ZNF420: variants seen among roughly 807,000 people sequenced by gnomAD.
ZNF420 encodes ATM and p53-associated KZNF protein.
Under a neutral mutation model 44.7 loss-of-function variants are expected in ZNF420, and 31 were observed. That is an observed-to-expected ratio of 0.69 (90% CI 0.52 to 0.94). The LOEUF (loss-of-function observed/expected upper bound fraction) is 0.94. ZNF420 is among the 40% of genes least tolerant of loss of function. The pLI is 0.00. For missense variants in ZNF420, 681 were observed against 827.9 expected (o/e 0.82, Z 2.18); for synonymous variants, 245 against 267.4 (o/e 0.92, Z 0.82).
At chr19:37,054,379 T>G (rs1020866701) in intron 1 of ZNF420, among the ~76,000 whole-genome samples, 1 of 152,216 alleles carries the variant, frequency 6.6e-6, no homozygotes, top group African/African-American at 2.4e-5. Context: ...ACCCACTTTC[T>G]GACATTCCCC....
At chr19:37,046,263 A>G (rs1469472511) in intron 1 of ZNF420, among the ~76,000 whole-genome samples, 1 of 152,246 alleles carries the variant, frequency 6.6e-6, no homozygotes, top group Non-Finnish European at 1.5e-5. Flanking sequence ...GGAAAACAAT[A>G]GGATTATCTT....
intron 1 of ZNF420, among the ~76,000 whole-genome samples, chr19:37,012,536 C>T (rs1334639691): frequency 1.3e-5 from 2 of 152,194 alleles, no homozygotes; most frequent in Non-Finnish European, 1.5e-5. Flanking sequence ...GATGATGAAG[C>T]CACAGGCGGA....
chr19:37,066,181 G>T (rs1335755270), intron 1 of ZNF420, among the ~76,000 whole-genome samples: 1 of 152,198 alleles, frequency 6.6e-6, no homozygotes, highest in African/African-American at 2.4e-5. Context: ...GGCGGCTCAC[G>T]CCTGTAATCC....
intron 2 of ZNF420, among the ~76,000 whole-genome samples, chr19:37,085,362 A>G (rs2146507609): frequency 6.6e-6 from 1 of 152,326 alleles, no homozygotes; most frequent in East Asian, 1.9e-4. Context: ...CATCTGGTTT[A>G]TTTTGATGAC....
At chr19:37,106,719 G>C (rs368721311) in intron 4 of ZNF420, 20 of 152,178 alleles carry the variant, frequency 1.3e-4, no homozygotes, top group African/African-American at 4.1e-4. Flanking sequence ...AGAAAAGAAA[G>C]AGACAGAGAC....
intron 4 of ZNF420, among the ~76,000 whole-genome samples, chr19:37,097,650 T>G (rs539448138): frequency 4.0e-4 from 61 of 152,300 alleles, no homozygotes; most frequent in Admixed American, 5.9e-4. Context: ...TATTAAAAAT[T>G]TTTTTGCATT....
rs562437752 is a variant in ZNF420, at chr19:37,092,380, G to A, written c.136+1259G>A. ...TTCAAAAGAGGGAATGGTTGGCCGG[G>A]CGCGGTCTTGTATGTGCTTGGTAGT... On this transcript the variant is annotated intron_variant, in intron 4 of 4. Coordinates refer to ENST00000337995, the MANE Select transcript of ZNF420 (RefSeq NM_144689.5). The A allele has an allele frequency of 2.1e-3, 312 of 152,002 alleles. 3 individuals carry two copies. The highest frequency in any genetic ancestry group is 7.1e-3 in the African/African-American group (296 of 41,462). 9.4% of individuals were successfully genotyped at this position (152,002 alleles called of 1,614,324 possible).
chr19:37,054,778 T>C (rs896156969), intron 1 of ZNF420, among the ~76,000 whole-genome samples: 4 of 152,176 alleles, frequency 2.6e-5, no homozygotes, highest in African/African-American at 9.7e-5. Flanking sequence ...TGATAAACAT[T>C]TTCTTGGAGA....
chr19:37,087,892 G>T (rs1424425143), intron 2 of ZNF420, among the ~76,000 whole-genome samples: 1 of 152,130 alleles, frequency 6.6e-6, no homozygotes, highest in Non-Finnish European at 1.5e-5. Flanking sequence ...TGATCCGCCC[G>T]CTTCGGCCTC....
intron 1 of ZNF420, among the ~76,000 whole-genome samples, chr19:37,043,875 T>C (rs1332116666): frequency 1.3e-5 from 2 of 152,052 alleles, no homozygotes; most frequent in Non-Finnish European, 2.9e-5. Flanking sequence ...TTATGGAAAA[T>C]GAACAAGGAA....
chr19:37,092,175 C>G (rs1034977408), intron 4 of ZNF420: 1 of 152,070 alleles, frequency 6.6e-6, no homozygotes, highest in Admixed American at 6.6e-5. Flanking sequence ...TTCCTTTCTC[C>G]TCTGAAGCCT....
chr19:37,054,215 G>T (rs117591523), intron 1 of ZNF420, among the ~76,000 whole-genome samples: 1 of 152,242 alleles, frequency 6.6e-6, no homozygotes, highest in Non-Finnish European at 1.5e-5. Context: ...GAAAAGCTCA[G>T]TATTAGGGTG....
At chr19:37,122,698 T>A (rs1971121105) in intron 4 of ZNF420, among the ~76,000 whole-genome samples, 1 of 152,284 alleles carries the variant, frequency 6.6e-6, no homozygotes, top group East Asian at 1.9e-4. Context: ...GGCTATTCCT[T>A]CTTAGTCTCC....
rs2074662563 is a variant in ZNF420 at position 37,023,249 on chromosome 19, T to C, written c.-125+15167T>C. On this transcript the variant is annotated intron_variant, in intron 1 of 4. Transcript: ENST00000587029. ...AACAGTAATTGGTGCTGGAAGACTT[T>C]TACATACAAAGTATAAAGAGCAATG... is the stretch of plus-strand genomic sequence containing the variant. 3.3e-5 allele frequency among the ~76,000 whole-genome samples: 5 copies of C among 152,240 alleles called. No individual in the cohort carries two copies. The South Asian group carries it at 1.0e-3, about 32-fold the overall frequency.
In ZNF420 at chr19:37,128,395, T is replaced by A; in HGVS notation, c.1404T>A (p.Ile468=). Residue 468 remains isoleucine, a synonymous_variant, in exon 5 of 5, where the codon ATT becomes ATA. Coordinates refer to ENST00000337995, the MANE Select transcript of ZNF420 (RefSeq NM_144689.5). Reference sequence around the variant, plus strand: ...CAGAACTTACTCAACATGAGCGAATTCACACAGGTGAGAAACCCTATGAAT... The same window carrying A: ...CAGAACTTACTCAACATGAGCGAATACACACAGGTGAGAAACCCTATGAAT... ...RGSELTQHER[I]HTGEKPYECK... The A allele has an allele frequency of 6.2e-7, 1 of 1,613,978 alleles. No homozygotes were observed. The highest frequency in any genetic ancestry group is 8.5e-7 in the Non-Finnish European group (1 of 1,179,958).
intron 1 of ZNF420, among the ~76,000 whole-genome samples, chr19:37,028,315 A>G (rs1967190199): frequency 6.6e-6 from 1 of 152,246 alleles, no homozygotes. Flanking sequence ...TTACCTGGGC[A>G]TCAACTGTGC....
intron 1 of ZNF420, among the ~76,000 whole-genome samples, chr19:37,061,148 G>C (rs1967873013): frequency 6.6e-6 from 1 of 152,104 alleles, no homozygotes; most frequent in Non-Finnish European, 1.5e-5. Context: ...CGCCCCGTAT[G>C]CCCTCTGTGA....
chr19:37,059,816 CTA>C (rs954531664), intron 1 of ZNF420, among the ~76,000 whole-genome samples: 1 of 151,824 alleles, frequency 6.6e-6, no homozygotes, highest in African/African-American at 2.4e-5. Flanking sequence ...CTCTCTCACT[CTA>C]TCTCTGTGTG....
chr19:37,093,729 T>C (rs1391770690), intron 4 of ZNF420, among the ~76,000 whole-genome samples: 1 of 152,194 alleles, frequency 6.6e-6, no homozygotes. Context: ...GCATATTATA[T>C]GATTGCATTT....
Sources: gnomAD v4.1 joint callset for allele counts (sites outside exome capture counted in the v4.1 genomes callset) on GRCh38, gnomAD v4.1.1 for gene constraint, MANE v1.5 for transcripts, NCBI Gene and HGNC (gene_info 2026-07-23, HGNC 2026-07-21) for gene names.